CDH18: variants seen among roughly 807,000 people sequenced by gnomAD.
CDH18 encodes the protein cadherin 18, also known as cadherin-18.
In CDH18, 31 loss-of-function variants were observed where a neutral mutation model predicts 67.9. That is an observed-to-expected ratio of 0.46 (90% CI 0.34 to 0.62). The LOEUF (loss-of-function observed/expected upper bound fraction) is 0.62, where lower values mean the gene tolerates loss of function less well. Ranked by LOEUF, CDH18 falls within the 20% of genes least tolerant of loss-of-function variation. The probability of loss-of-function intolerance (pLI) is 0.01; values close to 1 mark genes in which losing one functional copy is unlikely to be tolerated. For synonymous variants in CDH18, 362 were observed against 347.2 expected (o/e 1.04, Z -0.48); for missense variants, 890 against 975.5 (o/e 0.91, Z 1.17).
At position 20,175,243 on chromosome 5, in the gene CDH18, G is replaced by A. The variant is rs1737140206; in HGVS notation, c.-518+80201C>T. Among the ~76,000 whole-genome samples, 3 of 152,032 alleles carry A rather than the reference G, an allele frequency of 2.0e-5. No individual in the cohort carries two copies. In the South Asian group the frequency reaches 6.2e-4, roughly 31 times the overall value. ...GAGAGAGGAAAGAGAGCAGGAGGAGGAGGAAACATAAGCAACCTATTCCAG... is the reference window on the plus strand; with the variant it reads ...GAGAGAGGAAAGAGAGCAGGAGGAGAAGGAAACATAAGCAACCTATTCCAG... On this transcript the variant is annotated intron_variant, in intron 2 of 14. Transcript: ENST00000507958.
At chr5:19,792,863 T>C (rs1391739824) in intron 3 of CDH18, among the ~76,000 whole-genome samples, 1 of 152,208 alleles carries the variant, frequency 6.6e-6, no homozygotes, top group Non-Finnish European at 1.5e-5. Context: ...GGTAGAACTT[T>C]ACTTCTACTT....
At chr5:19,859,582 C>T (rs773755428) in intron 2 of CDH18, among the ~76,000 whole-genome samples, 2 of 152,080 alleles carry the variant, frequency 1.3e-5, no homozygotes, top group African/African-American at 2.4e-5. Context: ...AAACCTGTAT[C>T]CACAACTCAT....
intron 3 of CDH18, among the ~76,000 whole-genome samples, chr5:19,748,428 C>T (rs556094036): frequency 1.7e-4 from 26 of 152,226 alleles, no homozygotes; most frequent in African/African-American, 4.8e-4. Flanking sequence ...AAAGATTCTG[C>T]TATAACACCA....
chr5:20,376,740 G>A (rs1562014707), intron 1 of CDH18, among the ~76,000 whole-genome samples: 1 of 152,144 alleles, frequency 6.6e-6, no homozygotes, highest in African/African-American at 2.4e-5. Context: ...GGCAAGGCTG[G>A]GCGTGGTGGC....
At chr5:20,447,661 T>C (rs1363767238) in intron 1 of CDH18, among the ~76,000 whole-genome samples, 1 of 152,222 alleles carries the variant, frequency 6.6e-6, no homozygotes, top group African/African-American at 2.4e-5. Context: ...CAATATCTTT[T>C]ACACTCCAAT....
At chr5:19,710,382 G>T (rs533087393) in intron 5 of CDH18, among the ~76,000 whole-genome samples, 1 of 152,156 alleles carries the variant, frequency 6.6e-6, no homozygotes, top group East Asian at 1.9e-4. Context: ...CATTATGGAA[G>T]ATACAAAAAT....
intron 1 of CDH18, among the ~76,000 whole-genome samples, chr5:20,421,659 G>T (rs1747869210): frequency 6.6e-6 from 1 of 150,860 alleles, no homozygotes. Flanking sequence ...AGAGTCATGG[G>T]TTAGCATGAA....
chr5:19,637,308 T>C (rs1344757490), intron 5 of CDH18, among the ~76,000 whole-genome samples: 2 of 152,086 alleles, frequency 1.3e-5, no homozygotes, highest in African/African-American at 4.8e-5. Context: ...AATATATGCA[T>C]TTACCTCACC....
chr5:19,839,996 C>T (rs369526978), intron 2 of CDH18, among the ~76,000 whole-genome samples: 121 of 151,726 alleles, frequency 8.0e-4, no homozygotes, highest in Admixed American at 1.8e-3. Flanking sequence ...GGGTGGCTCA[C>T]GCCTGTAATC....
chr5:19,524,870 C>G (rs972289888), intron 9 of CDH18, among the ~76,000 whole-genome samples: 2 of 152,032 alleles, frequency 1.3e-5, no homozygotes, highest in African/African-American at 4.8e-5. Flanking sequence ...CTCAGCCTCC[C>G]GAGTAGCTGG....
intron 11 of CDH18, among the ~76,000 whole-genome samples, chr5:19,494,633 CATA>C (rs2126693813): frequency 6.6e-6 from 1 of 152,258 alleles, no homozygotes; most frequent in South Asian, 2.1e-4. Flanking sequence ...TGTCCTAATT[CATA>C]ATAACTGCCT....
At chr5:20,441,494 CA>C (rs374768682) in intron 1 of CDH18, among the ~76,000 whole-genome samples, 30 of 138,710 alleles carry the variant, frequency 2.2e-4, no homozygotes, top group Non-Finnish European at 3.1e-4. Context: ...CTACACAGAG[CA>C]AAAAAAAAAC....
chr5:20,546,003 G>A (rs920774183), intron 1 of CDH18, among the ~76,000 whole-genome samples: 8 of 152,082 alleles, frequency 5.3e-5, no homozygotes, highest in Non-Finnish European at 8.8e-5. Context: ...ATGCTTTGCT[G>A]CTTAGAAATT....
intron 1 of CDH18, among the ~76,000 whole-genome samples, chr5:20,459,856 A>C: frequency 6.6e-6 from 1 of 152,132 alleles, no homozygotes; most frequent in East Asian, 1.9e-4. Context: ...CAAATTTCCA[A>C]CATTAGGGGC....
intron 2 of CDH18, among the ~76,000 whole-genome samples, chr5:20,101,201 A>G (rs961164376): frequency 6.6e-5 from 10 of 152,034 alleles, no homozygotes; most frequent in African/African-American, 1.7e-4. Flanking sequence ...GGCTCAAGCA[A>G]TCCTCCTACC....
At chr5:20,279,879 TC>T (rs1746112535) in intron 1 of CDH18, among the ~76,000 whole-genome samples, 1 of 151,948 alleles carries the variant, frequency 6.6e-6, no homozygotes, top group Admixed American at 6.6e-5. Flanking sequence ...ACCTAATATA[TC>T]TTTTTACAGA....
intron 11 of CDH18, among the ~76,000 whole-genome samples, chr5:19,490,345 G>T (rs1741201910): frequency 1.5e-5 from 2 of 137,550 alleles, no homozygotes; most frequent in African/African-American, 5.4e-5. Flanking sequence ...GACATGCAAT[G>T]ATAAAATTAG....
At chr5:19,563,068 G>T (rs968440651) in intron 8 of CDH18, among the ~76,000 whole-genome samples, 2 of 152,056 alleles carry the variant, frequency 1.3e-5, no homozygotes, top group Admixed American at 6.6e-5. Context: ...AAAAGGGAAG[G>T]CCCCAGGTAA....
chr5:20,521,592 C>A (rs540033365), intron 1 of CDH18, among the ~76,000 whole-genome samples: 2 of 151,872 alleles, frequency 1.3e-5, no homozygotes, highest in Non-Finnish European at 1.5e-5. Flanking sequence ...TCTTTTAAAG[C>A]GGAGCAGATA....
Sources: gnomAD v4.1 joint callset for allele counts (sites outside exome capture counted in the v4.1 genomes callset) on GRCh38, gnomAD v4.1.1 for gene constraint, MANE v1.5 for transcripts, NCBI Gene and HGNC (gene_info 2026-07-23, HGNC 2026-07-21) for gene names.